Variants in LRP1B observed in about 807,000 individuals in gnomAD.
LRP1B encodes LDL receptor related protein 1B, also known as low-density lipoprotein receptor-related protein 1B.
Under a neutral mutation model 556.6 loss-of-function variants are expected in LRP1B, and 217 were observed. The ratio of observed to expected loss-of-function variants is 0.39; its 90% confidence interval spans 0.35 to 0.44. The LOEUF (loss-of-function observed/expected upper bound fraction) is 0.44. Ranked by LOEUF, LRP1B falls within the 20% of genes least tolerant of loss-of-function variation. The pLI, the probability that LRP1B is intolerant of heterozygous loss-of-function variation, is 1.00. For synonymous variants in LRP1B, 2,047 were observed against 1,865.8 expected, an observed-to-expected ratio of 1.10 and a Z score of -2.50; for missense variants, 5,053 against 5,620.8, an observed-to-expected ratio of 0.90 and a Z score of 3.23.
intron 1 of LRP1B, among the ~76,000 whole-genome samples, chr2:142,115,508 T>A (rs867526099): frequency 3.3e-5 from 3 of 92,012 alleles, no homozygotes; most frequent in Admixed American, 1.7e-4. Context: ...TAATATATAT[T>A]ATATATTACA....
intron 31 of LRP1B, among the ~76,000 whole-genome samples, chr2:140,833,627 A>G (rs79319690): frequency 1.3e-5 from 2 of 152,028 alleles, no homozygotes; most frequent in African/African-American, 2.4e-5. Context: ...TTTTCTTTAT[A>G]TGTCCTTTGG....
intron 6 of LRP1B, among the ~76,000 whole-genome samples, chr2:141,228,582 A>T (rs199610427): frequency 3.2e-4 from 47 of 146,288 alleles, no homozygotes; most frequent in African/African-American, 5.1e-4. Flanking sequence ...TGTGTGTATG[A>T]GTGTGTGTGT....
chr2:141,231,586 G>C (rs1376100615), intron 5 of LRP1B, among the ~76,000 whole-genome samples: 3 of 151,846 alleles, frequency 2.0e-5, no homozygotes, highest in Non-Finnish European at 4.4e-5. Flanking sequence ...CACGTAGCAC[G>C]TTCCCTTAGC....
At chr2:142,064,656 T>C (rs1449360137) in intron 1 of LRP1B, among the ~76,000 whole-genome samples, 3 of 151,534 alleles carry the variant, frequency 2.0e-5, no homozygotes, top group East Asian at 1.9e-4. Context: ...GAGTTGAGAC[T>C]CAATATTACA....
At chr2:142,019,783 A>G (rs994780103) in intron 1 of LRP1B, among the ~76,000 whole-genome samples, 4 of 152,128 alleles carry the variant, frequency 2.6e-5, no homozygotes, top group Non-Finnish European at 5.9e-5. Context: ...ACTCTGCCCC[A>G]GCCACATTCC....
intron 1 of LRP1B, among the ~76,000 whole-genome samples, chr2:142,060,406 G>A (rs1272638842): frequency 6.6e-6 from 1 of 152,052 alleles, no homozygotes; most frequent in Non-Finnish European, 1.5e-5. Flanking sequence ...AAAATCTATT[G>A]TCAGGGACAC....
At chr2:141,672,401 A>G (rs553161627) in intron 2 of LRP1B, among the ~76,000 whole-genome samples, 1 of 152,160 alleles carries the variant, frequency 6.6e-6, no homozygotes, top group South Asian at 2.1e-4. Flanking sequence ...CAGGAGATAG[A>G]TGGAGGTACT....
Position 142,119,915 on chromosome 2 carries a change from C to T in LRP1B, c.82+10733G>A, listed in dbSNP as rs117898573. Among the ~76,000 whole-genome samples, 111 of 152,146 alleles carry T rather than the reference C, an allele frequency of 7.3e-4. 1 individual carries two copies. In the East Asian group the frequency reaches 0.019, roughly 26 times the overall value. ...TTAATAGGGTGGTTATTTCTGCCTC[C>T]GAGTCTACAAACCACACTGAGACTG... On this transcript the variant is annotated intron_variant, in intron 1 of 90. Coordinates refer to ENST00000389484, the MANE Select transcript of LRP1B (RefSeq NM_018557.3).
chr2:140,374,591 G>A (rs748825134), intron 68 of LRP1B, among the ~76,000 whole-genome samples: 21 of 152,224 alleles, frequency 1.4e-4, no homozygotes, highest in Admixed American at 3.3e-4. Context: ...TTTATTCACC[G>A]CTGTATTCTC....
intron 2 of LRP1B, among the ~76,000 whole-genome samples, chr2:141,703,760 C>G (rs916295465): frequency 2.6e-5 from 4 of 152,022 alleles, no homozygotes; most frequent in Non-Finnish European, 5.9e-5. Context: ...ATGCATATAA[C>G]AGAAACCCTG....
intron 7 of LRP1B, among the ~76,000 whole-genome samples, chr2:141,132,287 C>T (rs1423973278): frequency 6.6e-6 from 1 of 151,880 alleles, no homozygotes; most frequent in Admixed American, 6.6e-5. Flanking sequence ...CTTGTTCTTG[C>T]CATAGTTGTG....
chr2:140,419,732 G>C (rs1442628225), intron 66 of LRP1B, among the ~76,000 whole-genome samples: 3 of 152,150 alleles, frequency 2.0e-5, no homozygotes, highest in African/African-American at 7.2e-5. Flanking sequence ...GTTAGGCCAG[G>C]CATGGTGGCT....
intron 1 of LRP1B, among the ~76,000 whole-genome samples, chr2:141,891,094 C>T (rs1699277309): frequency 6.6e-6 from 1 of 152,030 alleles, no homozygotes; most frequent in Non-Finnish European, 1.5e-5. Flanking sequence ...TTACAGCATG[C>T]CACTGGATGA....
intron 7 of LRP1B, among the ~76,000 whole-genome samples, chr2:141,157,760 G>T (rs1476659366): frequency 3.9e-5 from 6 of 152,048 alleles, no homozygotes; most frequent in African/African-American, 1.4e-4. Flanking sequence ...GCTGAGAAAA[G>T]AATATAGGTA....
chr2:141,266,323 CAAAAAAA>C (rs34877238), intron 3 of LRP1B, among the ~76,000 whole-genome samples: 760 of 73,306 alleles, frequency 0.01, 3 homozygotes, highest in Non-Finnish European at 0.015. Flanking sequence ...GACTCTGTTT[CAAAAAAA>C]AAAAAAAAAA....
intron 32 of LRP1B, among the ~76,000 whole-genome samples, chr2:140,812,713 GT>G (rs1005273039): frequency 3.3e-5 from 5 of 151,818 alleles, no homozygotes; most frequent in Non-Finnish European, 5.9e-5. Context: ...AGGTAAAAAT[GT>G]ATTCAAATGG....
chr2:141,813,495 G>C (rs551253736), intron 1 of LRP1B, among the ~76,000 whole-genome samples: 9 of 152,122 alleles, frequency 5.9e-5, no homozygotes, highest in African/African-American at 1.9e-4. Flanking sequence ...AGAGGTCAAC[G>C]TGGCTGCAGA....
intron 20 of LRP1B, among the ~76,000 whole-genome samples, chr2:140,927,221 C>T (rs1694911367): frequency 6.6e-6 from 1 of 152,164 alleles, no homozygotes; most frequent in African/African-American, 2.4e-5. Flanking sequence ...ACGAGAATCA[C>T]TTGAACCCAG....
chr2:141,041,684 T>C (rs1698702857), intron 11 of LRP1B, among the ~76,000 whole-genome samples: 1 of 152,134 alleles, frequency 6.6e-6, no homozygotes, highest in Non-Finnish European at 1.5e-5. Context: ...GGAGTGAATA[T>C]GGTTAACACT....
Sources: gnomAD v4.1 joint callset for allele counts (sites outside exome capture counted in the v4.1 genomes callset) on GRCh38, gnomAD v4.1.1 for gene constraint, MANE v1.5 for transcripts, NCBI Gene and HGNC (gene_info 2026-07-23, HGNC 2026-07-21) for gene names.